The following ENTREP2 variants were observed in gnomAD, a reference collection of about 807,000 sequenced individuals.
The protein encoded by ENTREP2 is protein ENTREP2.
chr15:29,234,888 T>A, the ENTREP2 span: 1 of 1,502,362 alleles, frequency 6.7e-7, no homozygotes. Context: ...GTCAAAACCT[T>A]TCTGCTGTAG....
chr15:29,444,202 G>C, the ENTREP2 span, among the ~76,000 whole-genome samples: 5 of 142,628 alleles, frequency 3.5e-5, no homozygotes, highest in East Asian at 2.0e-4. Context: ...AAGAAAGAAA[G>C]AAAGAAAGAA....
the ENTREP2 span, among the ~76,000 whole-genome samples, chr15:29,141,146 T>C: frequency 6.6e-6 from 1 of 152,194 alleles, no homozygotes; most frequent in Non-Finnish European, 1.5e-5. Flanking sequence ...AAAGCCCACT[T>C]AACACAGAGC....
the ENTREP2 span, among the ~76,000 whole-genome samples, chr15:29,220,503 C>A: frequency 1.3e-5 from 2 of 152,186 alleles, no homozygotes; most frequent in South Asian, 4.1e-4. Flanking sequence ...CCACGTGGCA[C>A]AGGAAATGCA....
the ENTREP2 span, among the ~76,000 whole-genome samples, chr15:29,224,347 C>T: frequency 6.6e-6 from 1 of 152,088 alleles, no homozygotes; most frequent in Non-Finnish European, 1.5e-5. Context: ...CAACTTATTG[C>T]AAACATTGAA....
chr15:29,273,186 T>C, the ENTREP2 span, among the ~76,000 whole-genome samples: 34 of 151,538 alleles, frequency 2.2e-4, no homozygotes, highest in South Asian at 6.9e-3. Flanking sequence ...TTATGACTAA[T>C]TTATAAATTA....
the ENTREP2 span, among the ~76,000 whole-genome samples, chr15:29,648,951 C>A: frequency 1.6e-4 from 24 of 149,884 alleles, no homozygotes; most frequent in African/African-American, 5.6e-4. Flanking sequence ...AAAAAAACAA[C>A]AACAAAAAAA....
At chr15:29,264,291 T>C in the ENTREP2 span, among the ~76,000 whole-genome samples, 1 of 151,986 alleles carries the variant, frequency 6.6e-6, no homozygotes, top group Non-Finnish European at 1.5e-5. Flanking sequence ...ATTTGAGTAT[T>C]GAAATATGTA....
chr15:29,403,391 T>G, the ENTREP2 span, among the ~76,000 whole-genome samples: 1 of 152,260 alleles, frequency 6.6e-6, no homozygotes. Flanking sequence ...CATTTGCAAA[T>G]GACTTTTATT....
the ENTREP2 span, among the ~76,000 whole-genome samples, chr15:29,607,841 C>CAGAG: frequency 6.6e-6 from 1 of 151,440 alleles, no homozygotes; most frequent in Non-Finnish European, 1.5e-5. Flanking sequence ...GACAGACAGA[C>CAGAG]AGATAGATAG....
chr15:29,336,182 C>T, the ENTREP2 span, among the ~76,000 whole-genome samples: 1 of 148,690 alleles, frequency 6.7e-6, no homozygotes, highest in Admixed American at 6.7e-5. Flanking sequence ...GGGACATAAA[C>T]CCTTTTCCTA....
the ENTREP2 span, among the ~76,000 whole-genome samples, chr15:29,623,363 G>T: frequency 1.3e-5 from 2 of 152,190 alleles, no homozygotes; most frequent in Admixed American, 6.5e-5. Flanking sequence ...ATAGCTAATT[G>T]TAATTTACTC....
chr15:29,556,770 C>CTCCA, the ENTREP2 span, among the ~76,000 whole-genome samples: 1 of 144,424 alleles, frequency 6.9e-6, no homozygotes, highest in Non-Finnish European at 1.5e-5. Flanking sequence ...GTGCCCCCCC[C>CTCCA]CCGCCCCACA....
the ENTREP2 span, among the ~76,000 whole-genome samples, chr15:29,278,376 G>C: frequency 0.053 from 8,083 of 152,258 alleles, 649 homozygotes; most frequent in African/African-American, 0.17. Context: ...GCAGAAGCCC[G>C]TGTCTCCCTT....
At chr15:29,518,520 G>A in the ENTREP2 span, among the ~76,000 whole-genome samples, 1 of 152,110 alleles carries the variant, frequency 6.6e-6, no homozygotes, top group African/African-American at 2.4e-5. Context: ...GACATGAGGA[G>A]GGAGAACACA....
the ENTREP2 span, among the ~76,000 whole-genome samples, chr15:29,133,705 C>T: frequency 4.3e-3 from 656 of 152,342 alleles, 3 homozygotes; most frequent in Non-Finnish European, 7.0e-3. Context: ...GTGCCTTTCT[C>T]CTGCCACCTG....
chr15:29,528,387 T>G, the ENTREP2 span, among the ~76,000 whole-genome samples: 1 of 151,230 alleles, frequency 6.6e-6, no homozygotes, highest in Non-Finnish European at 1.5e-5. Context: ...TGCATGTCCT[T>G]CCAAACTAAT....
the ENTREP2 span, among the ~76,000 whole-genome samples, chr15:29,303,158 T>C: frequency 2.0e-4 from 31 of 152,214 alleles, no homozygotes; most frequent in Non-Finnish European, 4.4e-4. Flanking sequence ...ACTTGAAATA[T>C]GGGGCTGCTG....
At chr15:29,391,879 C>CAG in the ENTREP2 span, among the ~76,000 whole-genome samples, 1 of 152,228 alleles carries the variant, frequency 6.6e-6, no homozygotes, top group East Asian at 1.9e-4. Context: ...GGCTGGAGTG[C>CAG]AGTGACACGA....
the ENTREP2 span, among the ~76,000 whole-genome samples, chr15:29,186,195 C>A: frequency 6.6e-6 from 1 of 152,220 alleles, no homozygotes; most frequent in African/African-American, 2.4e-5. Flanking sequence ...ACAGAACCCT[C>A]TCCTGAGATC....
Sources: gnomAD v4.1 joint callset for allele counts (sites outside exome capture counted in the v4.1 genomes callset) on GRCh38, gnomAD v4.1.1 for gene constraint, MANE v1.5 for transcripts, NCBI Gene and HGNC (gene_info 2026-07-23, HGNC 2026-07-21) for gene names.